Variants in KCTD8 observed in about 807,000 individuals in gnomAD.
KCTD8 encodes BTB/POZ domain-containing protein KCTD8.
A neutral mutation model predicts 31.5 loss-of-function variants in KCTD8; 27 were observed. The ratio of observed to expected loss-of-function variants is 0.86; its 90% CI spans 0.63 to 1.18. The LOEUF (loss-of-function observed/expected upper bound fraction) is 1.18. Ranked by LOEUF, KCTD8 falls within the 50% of genes most tolerant of loss-of-function variation. KCTD8 has a pLI of 0.00. For synonymous variants in KCTD8, 290 were observed against 280.0 expected, an observed-to-expected ratio of 1.04 and a Z score of -0.36; for missense variants, 658 against 647.7, an observed-to-expected ratio of 1.02 and a Z score of -0.17.
chr4:44,186,237 G>T (rs542200942), intron 1 of KCTD8, among the ~76,000 whole-genome samples: 2 of 152,306 alleles, frequency 1.3e-5, no homozygotes, highest in African/African-American at 4.8e-5. Flanking sequence ...TCAACTGGGG[G>T]AGCGATGTGG....
At chr4:44,320,457 G>A (rs1462928411) in intron 1 of KCTD8, among the ~76,000 whole-genome samples, 2 of 152,082 alleles carry the variant, frequency 1.3e-5, no homozygotes, top group Non-Finnish European at 2.9e-5. Flanking sequence ...ACTTCCCTAA[G>A]TTATGAGAAT....
chr4:44,361,677 T>G (rs1190532151), intron 1 of KCTD8, among the ~76,000 whole-genome samples: 1 of 152,074 alleles, frequency 6.6e-6, no homozygotes, highest in Admixed American at 6.6e-5. Context: ...TTATACTAAA[T>G]TTTGCCAATT....
intron 1 of KCTD8, among the ~76,000 whole-genome samples, chr4:44,399,091 A>C (rs1044015501): frequency 1.3e-5 from 2 of 152,170 alleles, no homozygotes; most frequent in Admixed American, 1.3e-4. Flanking sequence ...ATGAAGATAA[A>C]CATGACAGAG....
Position 44,319,072 on chromosome 4 carries a change from T to C in KCTD8, c.961+128491A>G, listed in dbSNP as rs78419764. Among the ~76,000 whole-genome samples, 1,196 of 152,322 alleles carry C rather than the reference T, an allele frequency of 7.9e-3. 15 individuals are homozygous for C. The highest frequency in any genetic ancestry group is 0.027 in the African/African-American group (1,116 of 41,584). On this transcript the variant is annotated intron_variant, in intron 1 of 1. Coordinates refer to ENST00000360029, the MANE Select transcript of KCTD8 (RefSeq NM_198353.3). ...AAAGGTTTTCATTCTATTGCTTTTA[T>C]TTTCTACCTGAAGTACAAAGAGTAT...
At position 44,428,065 on chromosome 4, in the gene KCTD8, A is replaced by G. The variant is rs558949600; in HGVS notation, c.961+19498T>C. Among the ~76,000 whole-genome samples, 6 of 151,844 alleles carry G rather than the reference A, an allele frequency of 4.0e-5. No individual in the cohort carries two copies. The East Asian group carries it at 1.2e-3, about 29-fold the overall frequency. ...TGGGTTGGGTAATAATGAAATCACA[A>G]TTCAGAGACAGACCAGAGCACATGA... On this transcript the variant is annotated intron_variant, in intron 1 of 1. Transcript: ENST00000360029.
At chr4:44,182,385 G>C (rs1713451221) in intron 1 of KCTD8, among the ~76,000 whole-genome samples, 1 of 152,230 alleles carries the variant, frequency 6.6e-6, no homozygotes, top group African/African-American at 2.4e-5. Context: ...AAATCAGGTT[G>C]TTGCTGTGTC....
chr4:44,397,812 A>T (rs1438623960), intron 1 of KCTD8, among the ~76,000 whole-genome samples: 4 of 152,186 alleles, frequency 2.6e-5, no homozygotes, highest in Non-Finnish European at 5.9e-5. Context: ...TTAATATGCG[A>T]GAAAACATTA....
At chr4:44,431,941 C>A (rs1041792935) in intron 1 of KCTD8, among the ~76,000 whole-genome samples, 4 of 151,528 alleles carry the variant, frequency 2.6e-5, no homozygotes, top group African/African-American at 9.7e-5. Flanking sequence ...CATGGGCTTC[C>A]CTAGACAAAA....
At chr4:44,193,825 A>G (rs904405623) in intron 1 of KCTD8, among the ~76,000 whole-genome samples, 3 of 152,136 alleles carry the variant, frequency 2.0e-5, no homozygotes, top group Non-Finnish European at 4.4e-5. Context: ...TCTGACATGC[A>G]TATTTCTGTG....
rs1560457976 is a variant in KCTD8, at chr4:44,448,350, C to T, written c.174G>A (p.Lys58=). 5.6e-6 allele frequency: 9 copies of T among 1,594,048 alleles called. No individual in the cohort carries two copies. The highest frequency in any genetic ancestry group is 1.1e-5 in the South Asian group (1 of 89,224). Residue 58 remains lysine (K), a synonymous_variant, in exon 1 of 2, where the codon AAG becomes AAA. Transcript: ENST00000360029. The surrounding 1 kb of genome is among the most constrained non-coding windows in gnomAD (Gnocchi z 4.1). ...LNVGGQVYVT[K]HSTLLSVPDS... is the part of the protein sequence containing the mutation. ...CCGGGACGCTGAGCAGCGTCGAGTGCTTGGTCACATAAACCTGGCCGCCTA... is the reference window on the plus strand; with the variant it reads ...CCGGGACGCTGAGCAGCGTCGAGTGTTTGGTCACATAAACCTGGCCGCCTA...
intron 1 of KCTD8, among the ~76,000 whole-genome samples, chr4:44,315,717 A>G (rs73815006): frequency 0.029 from 4,483 of 152,234 alleles, 241 homozygotes; most frequent in African/African-American, 0.1. Context: ...TTGATTGATA[A>G]CACATCCAGT....
chr4:44,235,564 T>G (rs1409710078), intron 1 of KCTD8, among the ~76,000 whole-genome samples: 71 of 43,232 alleles, frequency 1.6e-3, no homozygotes, highest in African/African-American at 7.8e-3. Flanking sequence ...TATATATATA[T>G]ATATATATAT....
At chr4:44,182,882 G>A (rs1713471290) in intron 1 of KCTD8, among the ~76,000 whole-genome samples, 2 of 152,120 alleles carry the variant, frequency 1.3e-5, no homozygotes, top group Admixed American at 6.5e-5. Context: ...ATGTTTAAAC[G>A]TCAAATAGCT....
intron 1 of KCTD8, among the ~76,000 whole-genome samples, chr4:44,409,325 T>C (rs574326331): frequency 6.6e-6 from 1 of 152,084 alleles, no homozygotes; most frequent in South Asian, 2.1e-4. Context: ...TTTTTATATA[T>C]CCAGAGAAAG....
Position 44,175,007 on chromosome 4 carries a change from G to T in KCTD8, c.1205C>A (p.Pro402His), listed in dbSNP as rs1713163635. Residue 402 changes from proline (P) to histidine (H), a missense_variant, in exon 2 of 2, where the codon CCC (proline) becomes CAC (histidine). By Grantham distance (77) the Pro-to-His change is moderately conservative. Coordinates refer to ENST00000360029, the MANE Select transcript of KCTD8 (RefSeq NM_198353.3). ...PSKKAPVQWI[P>H]PPDKRRNSEL... ...ACTGTTTCTGCGTTTGTCTGGTGGG[G>T]GTATCCATTGTACAGGTGCTTTTTT... 1.2e-6 allele frequency: 2 copies of T among 1,614,036 alleles called. No individual in the cohort carries two copies. Among genetic ancestry groups the T allele is most frequent in the African/African-American group, 2.7e-5 (2 of 75,014 alleles).
At chr4:44,287,700 A>G (rs1459024312) in intron 1 of KCTD8, among the ~76,000 whole-genome samples, 1 of 152,156 alleles carries the variant, frequency 6.6e-6, no homozygotes, top group Admixed American at 6.6e-5. Context: ...CTTTGGCACC[A>G]CTTTTAATTC....
chr4:44,316,297 T>C (rs1299918093), intron 1 of KCTD8, among the ~76,000 whole-genome samples: 1 of 152,184 alleles, frequency 6.6e-6, no homozygotes, highest in African/African-American at 2.4e-5. Context: ...TTCCAATAGA[T>C]TCAATTTACA....
At chr4:44,299,945 GT>G (rs1023632836) in intron 1 of KCTD8, among the ~76,000 whole-genome samples, 10 of 151,770 alleles carry the variant, frequency 6.6e-5, no homozygotes, top group African/African-American at 9.7e-5. Flanking sequence ...TAGAGACGGG[GT>G]TTCGCTGTGT....
At chr4:44,230,268 C>A (rs774028985) in intron 1 of KCTD8, among the ~76,000 whole-genome samples, 16 of 152,126 alleles carry the variant, frequency 1.1e-4, no homozygotes, top group Non-Finnish European at 2.4e-4. Context: ...GTAAAGTATT[C>A]ATTCCTATAT....
Sources: gnomAD v4.1 joint callset for allele counts (sites outside exome capture counted in the v4.1 genomes callset) on GRCh38, gnomAD v4.1.1 for gene constraint, Gnocchi (gnomAD v3.1) non-coding constraint, MANE v1.5 for transcripts, NCBI Gene and HGNC (gene_info 2026-07-23, HGNC 2026-07-21) for gene names.